GFRA1: variants seen among roughly 807,000 people sequenced by gnomAD.
GFRA1 encodes the protein GDNF family receptor alpha 1.
Under a neutral mutation model 51.6 loss-of-function variants are expected in GFRA1, and 16 were observed. That is an observed-to-expected ratio of 0.31 (90% CI 0.21 to 0.47). The LOEUF (loss-of-function observed/expected upper bound fraction) is 0.47, where lower values mean the gene tolerates loss of function less well. Among genes scored for constraint, GFRA1 ranks in the 20% least tolerant of loss-of-function variants. The probability of loss-of-function intolerance (pLI) is 1.00; values close to 1 mark genes in which losing one functional copy is unlikely to be tolerated. For synonymous variants in GFRA1, 270 were observed against 241.3 expected (o/e 1.12, Z -1.10); for missense variants, 530 against 594.3 (o/e 0.89, Z 1.13).
chr10:116,106,565 C>T (rs1442641386), intron 6 of GFRA1, among the ~76,000 whole-genome samples: 3 of 151,836 alleles, frequency 2.0e-5, no homozygotes, highest in Non-Finnish European at 4.4e-5. Flanking sequence ...TGGTTTAGCA[C>T]CACCCTCTTG....
intron 6 of GFRA1, among the ~76,000 whole-genome samples, chr10:116,108,911 G>GA (rs1957096577): frequency 6.6e-6 from 1 of 152,188 alleles, no homozygotes; most frequent in South Asian, 2.1e-4. Flanking sequence ...ATGAATGAAC[G>GA]AATCTGACTG....
At chr10:116,163,684 C>T (rs1164382518) in intron 5 of GFRA1, among the ~76,000 whole-genome samples, 3 of 152,302 alleles carry the variant, frequency 2.0e-5, no homozygotes, top group South Asian at 2.1e-4. Context: ...CCTTCTCGCA[C>T]GGCCTGGTCT....
At chr10:116,131,976 G>A (rs1303180600) in intron 5 of GFRA1, among the ~76,000 whole-genome samples, 1 of 151,468 alleles carries the variant, frequency 6.6e-6, no homozygotes, top group Admixed American at 6.6e-5. Context: ...GGAGGCTGAC[G>A]TGGGAGGATT....
intron 4 of GFRA1, among the ~76,000 whole-genome samples, chr10:116,262,845 A>T (rs1398556098): frequency 6.6e-6 from 1 of 152,146 alleles, no homozygotes. Flanking sequence ...TGCCGCTATG[A>T]GGGGTACTGG....
intron 4 of GFRA1, among the ~76,000 whole-genome samples, chr10:116,261,329 G>A (rs983538959): frequency 6.6e-6 from 1 of 152,140 alleles, no homozygotes; most frequent in Non-Finnish European, 1.5e-5. Flanking sequence ...AGTCAAATAC[G>A]GGGACGGGAC....
intron 9 of GFRA1, among the ~76,000 whole-genome samples, chr10:116,084,148 A>G (rs1244592009): frequency 6.6e-6 from 1 of 152,150 alleles, no homozygotes; most frequent in African/African-American, 2.4e-5. Flanking sequence ...TAGGGCTAGC[A>G]TGGTCTGATG....
At chr10:116,107,411 C>G (rs1254552541) in intron 6 of GFRA1, among the ~76,000 whole-genome samples, 1 of 152,152 alleles carries the variant, frequency 6.6e-6, no homozygotes, top group African/African-American at 2.4e-5. Context: ...ATGCTTTGTC[C>G]TAAGGACAAT....
At chr10:116,102,128 G>A (rs1441199174) in intron 6 of GFRA1, among the ~76,000 whole-genome samples, 2 of 152,206 alleles carry the variant, frequency 1.3e-5, no homozygotes, top group African/African-American at 2.4e-5. Context: ...AGAGTCACAT[G>A]GCAGGTGGCC....
chr10:116,170,146 T>C (rs1462970218), intron 5 of GFRA1, among the ~76,000 whole-genome samples: 1 of 152,116 alleles, frequency 6.6e-6, no homozygotes, highest in Non-Finnish European at 1.5e-5. Context: ...ATCAAAGGCC[T>C]CCATGAGCAA....
intron 3 of GFRA1, 142 bp downstream of exon 3, chr10:116,270,680 T>C (rs1843833379): frequency 4.4e-6 from 3 of 682,574 alleles, no homozygotes; most frequent in Admixed American, 2.5e-5. Context: ...CCAGCTGCCG[T>C]TGTCCCTGGG....
Position 116,062,200 on chromosome 10 carries a change from G to T in GFRA1, c.*2198C>A, listed in dbSNP as rs1954850782. ...AAGTAATCAGTAGCTTTCTACAGTG[G>T]ATCACATAGAATCAGATCCCTATGA... On this transcript the variant is annotated 3_prime_UTR_variant, in exon 11 of 11. Coordinates refer to ENST00000355422, the MANE Select transcript of GFRA1 (RefSeq NM_005264.8). 1.0e-5 allele frequency: 4 copies of T among 398,258 alleles called. No individual in the cohort carries two copies. Among genetic ancestry groups the T allele is most frequent in the Admixed American group, 8.8e-5 (2 of 22,698 alleles). The allele number at this position is 398,258 out of a possible 1,614,324, so 24.7% of individuals were successfully genotyped here. A position where few individuals can be genotyped will look rare whatever the true frequency, so the allele number is the denominator to read the frequency against.
intron 4 of GFRA1, among the ~76,000 whole-genome samples, chr10:116,234,863 G>T (rs1033939178): frequency 3.9e-5 from 6 of 152,014 alleles, no homozygotes; most frequent in African/African-American, 1.4e-4. Context: ...AATCATGGGT[G>T]GGGGGGTTCC....
At chr10:116,174,092 C>A (rs1961335229) in intron 5 of GFRA1, among the ~76,000 whole-genome samples, 1 of 151,748 alleles carries the variant, frequency 6.6e-6, no homozygotes, top group Non-Finnish European at 1.5e-5. Context: ...AAAAAAAAGT[C>A]AGTCAGTGGC....
intron 5 of GFRA1, 115 bp from the exon 6 acceptor site, chr10:116,125,672 TA>T: frequency 1.2e-6 from 1 of 813,320 alleles, no homozygotes; most frequent in South Asian, 1.5e-5. Context: ...CTCTAGAACT[TA>T]ATGAGTTTTG....
At chr10:116,195,061 T>C (rs1963615221) in intron 5 of GFRA1, among the ~76,000 whole-genome samples, 1 of 152,194 alleles carries the variant, frequency 6.6e-6, no homozygotes, top group South Asian at 2.1e-4. Flanking sequence ...TGTGGCTGTG[T>C]TTCAGTAAAA....
chr10:116,179,566 A>G (rs1336598054), intron 5 of GFRA1, among the ~76,000 whole-genome samples: 1 of 152,198 alleles, frequency 6.6e-6, no homozygotes, highest in Non-Finnish European at 1.5e-5. Context: ...CACCGTCTCA[A>G]TATACTGCCT....
chr10:116,089,766 A>T lies in GFRA1; in HGVS notation c.1172T>A (p.Val391Asp). The change falls in exon 9 of 11, where the codon GTT (valine) becomes GAT (aspartate). Residue 391 changes from valine to aspartate, a missense_variant. Physicochemically the swap from Val to Asp is radical, Grantham distance 152. Transcript: ENST00000355422. ...AGSENEIPTH[V>D]LPPCANLQAQ... ...CTGTAAATTTGCACACGGTGGCAAAACATGAGTGGGAATTTCATTCTCAGA... is the reference window on the plus strand; with the variant it reads ...CTGTAAATTTGCACACGGTGGCAAATCATGAGTGGGAATTTCATTCTCAGA... The T allele has an allele frequency of 6.2e-7, 1 of 1,614,152 alleles. No homozygotes were observed. The highest frequency in any genetic ancestry group is 1.1e-5 in the South Asian group (1 of 91,090).
intron 4 of GFRA1, among the ~76,000 whole-genome samples, chr10:116,243,464 T>C (rs554282743): frequency 1.3e-5 from 2 of 151,046 alleles, no homozygotes; most frequent in Non-Finnish European, 2.9e-5. Context: ...GATACAGGTA[T>C]ATAGACAATC....
At chr10:116,182,195 G>A (rs1172101435) in intron 5 of GFRA1, among the ~76,000 whole-genome samples, 4 of 151,982 alleles carry the variant, frequency 2.6e-5, no homozygotes, top group Non-Finnish European at 4.4e-5. Context: ...CAATGAAAAG[G>A]ACTGTCCCTT....
Sources: gnomAD v4.1 joint callset for allele counts (sites outside exome capture counted in the v4.1 genomes callset) on GRCh38, gnomAD v4.1.1 for gene constraint, MANE v1.5 for transcripts, NCBI Gene and HGNC (gene_info 2026-07-23, HGNC 2026-07-21) for gene names.